Variants in RBMS3 observed in about 807,000 individuals in gnomAD.
RBMS3 encodes the protein RNA binding motif single stranded interacting protein 3.
RBMS3 carries 27 observed loss-of-function variants against 66.8 expected under a neutral mutation model. That is an observed-to-expected ratio of 0.40 (90% CI 0.30 to 0.56). The LOEUF (loss-of-function observed/expected upper bound fraction) is 0.56, where lower values mean the gene tolerates loss of function less well. RBMS3 is among the 20% of genes least tolerant of loss of function. The pLI is 0.40. For missense variants in RBMS3, 513 were observed against 549.5 expected (o/e 0.93, Z 0.66); for synonymous variants, 188 against 183.0 (o/e 1.03, Z -0.22).
At chr3:29,636,888 A>G (rs2049494918) in intron 4 of RBMS3, among the ~76,000 whole-genome samples, 1 of 151,934 alleles carries the variant, frequency 6.6e-6, no homozygotes, top group Admixed American at 6.6e-5. Flanking sequence ...ATCAGTATGG[A>G]AAGAGCAGGC....
At chr3:29,922,345 G>A (rs1002510100) in intron 10 of RBMS3, among the ~76,000 whole-genome samples, 5 of 151,388 alleles carry the variant, frequency 3.3e-5, no homozygotes, top group Admixed American at 3.3e-4. Context: ...AAATTAGCCG[G>A]GCGCGGTGGC....
intron 6 of RBMS3, among the ~76,000 whole-genome samples, chr3:29,843,026 T>C (rs1559729297): frequency 6.6e-6 from 1 of 152,226 alleles, no homozygotes; most frequent in African/African-American, 2.4e-5. Flanking sequence ...AGGAAACTAA[T>C]ATACTTCTTT....
rs114421811 is a variant in RBMS3 at position 29,439,325 on chromosome 3, C to T, written c.248+4410C>T. On this transcript the variant is annotated intron_variant, in intron 2 of 14. Coordinates refer to ENST00000383767, the MANE Select transcript of RBMS3 (RefSeq NM_001003793.3). ...AATAGGTAACTCCAGCTGCAGAGTACGGAGAAGTGATCCTCTGAGATCAAG... is the reference window on the plus strand; with the variant it reads ...AATAGGTAACTCCAGCTGCAGAGTATGGAGAAGTGATCCTCTGAGATCAAG... 6.1e-3 allele frequency among the ~76,000 whole-genome samples: 930 copies of T among 152,022 alleles called. 8 individuals carry two copies. Among genetic ancestry groups the T allele is most frequent in the African/African-American group, 0.021 (880 of 41,438 alleles).
intron 10 of RBMS3, among the ~76,000 whole-genome samples, chr3:29,903,903 T>G (rs2060313394): frequency 6.6e-6 from 1 of 151,922 alleles, no homozygotes; most frequent in Non-Finnish European, 1.5e-5. Flanking sequence ...TAATGAACCC[T>G]GAGTTTTCAG....
intron 2 of RBMS3, among the ~76,000 whole-genome samples, chr3:29,470,391 T>C (rs1192210385): frequency 6.6e-6 from 1 of 152,082 alleles, no homozygotes; most frequent in Non-Finnish European, 1.5e-5. Flanking sequence ...TTACATGTAG[T>C]GAATGAATTC....
intron 6 of RBMS3, among the ~76,000 whole-genome samples, chr3:29,765,178 G>T (rs972070241): frequency 6.6e-6 from 1 of 151,996 alleles, no homozygotes; most frequent in African/African-American, 2.4e-5. Flanking sequence ...GCAAGGTAAA[G>T]TAGTAATTTG....
At chr3:29,937,249 G>A (rs2061290504) in intron 11 of RBMS3, among the ~76,000 whole-genome samples, 1 of 151,734 alleles carries the variant, frequency 6.6e-6, no homozygotes, top group Non-Finnish European at 1.5e-5. Context: ...TCATATATGG[G>A]TCCCTTTGAA....
intron 6 of RBMS3, among the ~76,000 whole-genome samples, chr3:29,805,284 G>A (rs1210559405): frequency 6.6e-6 from 1 of 151,946 alleles, no homozygotes; most frequent in Non-Finnish European, 1.5e-5. Context: ...TCATATAAAA[G>A]TATAGCAATA....
At chr3:29,764,585 T>A (rs932030818) in intron 6 of RBMS3, among the ~76,000 whole-genome samples, 1 of 152,048 alleles carries the variant, frequency 6.6e-6, no homozygotes, top group African/African-American at 2.4e-5. Flanking sequence ...GTAGAAATTA[T>A]GAATGATTCA....
At chr3:29,804,332 C>T (rs2057476140) in intron 6 of RBMS3, among the ~76,000 whole-genome samples, 1 of 151,984 alleles carries the variant, frequency 6.6e-6, no homozygotes, top group Non-Finnish European at 1.5e-5. Flanking sequence ...CAGAGGAAAA[C>T]AGAATCACAA....
intron 10 of RBMS3, among the ~76,000 whole-genome samples, chr3:29,930,109 C>CTTTCTTTCTTTTTTTTGTTTTTTTT (rs71091082): frequency 2.3e-5 from 1 of 43,556 alleles, no homozygotes. Flanking sequence ...TTCTTTCTTT[C>CTTTCTTTCTTTTTTTTGTTTTTTTT]TTTTTTTTTT....
At chr3:29,557,662 T>C (rs1017486659) in intron 3 of RBMS3, among the ~76,000 whole-genome samples, 1 of 152,206 alleles carries the variant, frequency 6.6e-6, no homozygotes, top group African/African-American at 2.4e-5. Flanking sequence ...ACAAATCTGA[T>C]TGGGATTTTA....
intron 1 of RBMS3, among the ~76,000 whole-genome samples, chr3:29,353,036 G>A (rs2037013226): frequency 6.6e-6 from 1 of 151,452 alleles, no homozygotes; most frequent in African/African-American, 2.4e-5. Flanking sequence ...CGTTTAAATG[G>A]CAATTTTATA....
rs575238792 is a variant in RBMS3, at chr3:29,319,731, T to G, written c.75+37975T>G. Among the ~76,000 whole-genome samples, 5 of 152,164 alleles carry G rather than the reference T, an allele frequency of 3.3e-5. No individual in the cohort carries two copies. The South Asian group carries it at 1.0e-3, about 32-fold the overall frequency. On this transcript the variant is annotated intron_variant, in intron 1 of 14. Transcript: ENST00000383767. Reference sequence around the variant, plus strand: ...CTAGAAAACCATTATTTGCATATTCTAATACTTCCTAGTCTGGGCAGTATT... The same window carrying G: ...CTAGAAAACCATTATTTGCATATTCGAATACTTCCTAGTCTGGGCAGTATT...
intron 11 of RBMS3, among the ~76,000 whole-genome samples, chr3:29,942,898 GA>G (rs1009157551): frequency 4.0e-5 from 6 of 150,892 alleles, no homozygotes; most frequent in African/African-American, 1.5e-4. Context: ...TAAAAAATTG[GA>G]AAAACTTTTA....
chr3:29,767,118 G>C (rs1424417567), intron 6 of RBMS3: 2 of 151,882 alleles, frequency 1.3e-5, no homozygotes, highest in Non-Finnish European at 2.9e-5. Context: ...AAAAGCAAAG[G>C]GTTAGTTCCC....
intron 6 of RBMS3, among the ~76,000 whole-genome samples, chr3:29,854,337 C>T (rs1209436230): frequency 6.6e-6 from 1 of 152,218 alleles, no homozygotes; most frequent in African/African-American, 2.4e-5. Context: ...GTATATATAA[C>T]AAGCAGGGGC....
chr3:29,473,754 C>T (rs994780342), intron 2 of RBMS3, among the ~76,000 whole-genome samples: 12 of 152,214 alleles, frequency 7.9e-5, no homozygotes, highest in East Asian at 5.8e-4. Context: ...GGTACTAAGC[C>T]GCTCATTGCC....
intron 6 of RBMS3, among the ~76,000 whole-genome samples, chr3:29,772,604 T>G (rs1482457258): frequency 6.6e-6 from 1 of 151,926 alleles, no homozygotes; most frequent in Non-Finnish European, 1.5e-5. Context: ...GAATGCAGCA[T>G]AGACAAGTGG....
Sources: gnomAD v4.1 joint callset for allele counts (sites outside exome capture counted in the v4.1 genomes callset) on GRCh38, gnomAD v4.1.1 for gene constraint, MANE v1.5 for transcripts, NCBI Gene and HGNC (gene_info 2026-07-23, HGNC 2026-07-21) for gene names.